Variants in GRIP1 observed in about 807,000 individuals in gnomAD.
The protein encoded by GRIP1 is glutamate receptor interacting protein 1, also known as glutamate receptor-interacting protein 1.
In GRIP1, 45 loss-of-function variants were observed where a neutral mutation model predicts 129.9. The observed-to-expected ratio is 0.35, with a 90% CI of 0.27 to 0.44. The LOEUF (loss-of-function observed/expected upper bound fraction) is 0.44, where lower values mean the gene tolerates loss of function less well. Ranked by LOEUF, GRIP1 falls within the 20% of genes least tolerant of loss-of-function variation. The pLI is 1.00. For missense variants in GRIP1, 1,196 were observed against 1,396.8 expected (o/e 0.86, Z 2.29); for synonymous variants, 530 against 520.8 (o/e 1.02, Z -0.24).
At chr12:66,884,220 G>T (rs1021927646) in intron 1 of GRIP1, among the ~76,000 whole-genome samples, 1 of 152,216 alleles carries the variant, frequency 6.6e-6, no homozygotes, top group Admixed American at 6.5e-5. Flanking sequence ...CAGTGAGACC[G>T]CTTAGCGCTT....
chr12:66,739,133 T>C (rs1416030320), intron 1 of GRIP1, among the ~76,000 whole-genome samples: 2 of 152,196 alleles, frequency 1.3e-5, no homozygotes, highest in African/African-American at 4.8e-5. Flanking sequence ...AAGTACCTTG[T>C]CTACTGTAAC....
At chr12:66,670,315 G>A (rs2034016962) in intron 1 of GRIP1, among the ~76,000 whole-genome samples, 1 of 152,106 alleles carries the variant, frequency 6.6e-6, no homozygotes, top group Non-Finnish European at 1.5e-5. Context: ...TAAATAGTAA[G>A]GACAAAAAAT....
intron 1 of GRIP1, among the ~76,000 whole-genome samples, chr12:66,788,214 A>G (rs963693649): frequency 6.6e-6 from 1 of 152,076 alleles, no homozygotes; most frequent in African/African-American, 2.4e-5. Flanking sequence ...TTTTTGTTAA[A>G]TACAAAAAAC....
chr12:66,855,779 C>A (rs1035847352), intron 1 of GRIP1, among the ~76,000 whole-genome samples: 2 of 152,010 alleles, frequency 1.3e-5, no homozygotes, highest in Non-Finnish European at 2.9e-5. Context: ...TCTGCCACAA[C>A]AGTGTTCTCC....
intron 1 of GRIP1, among the ~76,000 whole-genome samples, chr12:66,749,158 T>C (rs1355739312): frequency 6.6e-6 from 1 of 152,208 alleles, no homozygotes; most frequent in Admixed American, 6.5e-5. Flanking sequence ...TTTTAATTAG[T>C]ACATGTATAT....
At chr12:66,770,873 A>G (rs563864478) in intron 1 of GRIP1, among the ~76,000 whole-genome samples, 4 of 152,276 alleles carry the variant, frequency 2.6e-5, no homozygotes, top group African/African-American at 9.6e-5. Context: ...AGGCAGGTGG[A>G]TCATGAGGTC....
Position 66,981,577 on chromosome 12 carries a change from CA to C in GRIP1, c.58+87472del, listed in dbSNP as rs201463874. On this transcript the variant is annotated intron_variant, in intron 1 of 1. Transcript: ENST00000643019. ...TAAAGAATAAGTTCCTATGTATTAC[CA>C]AAACTGTAACTTAGACTTTAGGTTG... is the stretch of plus-strand genomic sequence containing the variant. Among the ~76,000 whole-genome samples the C allele has an allele frequency of 8.2e-3, 1,246 of 152,084 alleles. 58 individuals are homozygous for C. The highest frequency in any genetic ancestry group is 0.076 in the Admixed American group (1,157 of 15,250).
chr12:66,581,950 G>C (rs978324326), intron 2 of GRIP1, among the ~76,000 whole-genome samples: 1 of 151,880 alleles, frequency 6.6e-6, no homozygotes, highest in Admixed American at 6.6e-5. Flanking sequence ...GAGACACAAC[G>C]AAAAAAGAGA....
In GRIP1 at chr12:66,689,749, G is replaced by A. The variant is rs563466870; in HGVS notation, c.-419-59413C>T. On this transcript the variant is annotated intron_variant, in intron 1 of 4. Transcript: ENST00000538373. ...CAGTATTATTAACTATAGTCACCAT[G>A]CTGTACATTAGATCTCCAGAACTTA... 4.6e-5 allele frequency among the ~76,000 whole-genome samples: 7 copies of A among 152,076 alleles called. No homozygotes were observed. In the South Asian group the frequency reaches 1.5e-3, roughly 32 times the overall value.
rs2036125612 is a variant in GRIP1, at chr12:66,723,237, T to TCC, written c.-420+80815_-420+80816insGG. Among the ~76,000 whole-genome samples, 14 of 16,418 alleles carry TCC rather than the reference T, an allele frequency of 8.5e-4. 1 individual carries two copies. Among genetic ancestry groups the TCC allele is most frequent in the Non-Finnish European group, 1.3e-3 (11 of 8,760 alleles). 10.8% of individuals were successfully genotyped at this position (16,418 alleles called of 152,430 possible). A position where few individuals can be genotyped will look rare whatever the true frequency, so the allele number is the denominator to read the frequency against. Reference sequence around the variant, plus strand: ...TTCTTTCTTTCTTTCTCTCTCTCTCTCTCTTCCTTCCTTCCTTCCTTCCTT... The same window carrying TCC: ...TTCTTTCTTTCTTTCTCTCTCTCTCTCCCTCTTCCTTCCTTCCTTCCTTCCTT... On this transcript the variant is annotated intron_variant, in intron 1 of 4. Coordinates refer to the GRIP1 transcript ENST00000538373.
At chr12:66,751,609 G>T (rs1257615398) in intron 1 of GRIP1, among the ~76,000 whole-genome samples, 1 of 152,148 alleles carries the variant, frequency 6.6e-6, no homozygotes, top group East Asian at 1.9e-4. Flanking sequence ...ACACCTCAAG[G>T]GCAGGAGTTA....
chr12:66,980,105 A>C (rs1451883831), intron 1 of GRIP1, among the ~76,000 whole-genome samples: 1 of 152,212 alleles, frequency 6.6e-6, no homozygotes, highest in Non-Finnish European at 1.5e-5. Context: ...CAGAAGACTC[A>C]CAATCTGGTA....
intron 1 of GRIP1, among the ~76,000 whole-genome samples, chr12:66,831,675 T>C (rs1220650161): frequency 6.6e-6 from 1 of 152,224 alleles, no homozygotes; most frequent in East Asian, 1.9e-4. Context: ...GGTAGAATCA[T>C]ATATCACTGA....
At chr12:66,408,907 C>T (rs1375308272) in intron 15 of GRIP1, among the ~76,000 whole-genome samples, 1 of 152,104 alleles carries the variant, frequency 6.6e-6, no homozygotes, top group East Asian at 1.9e-4. Flanking sequence ...TGCCATGGGC[C>T]TGGAGCAGTG....
intron 1 of GRIP1, among the ~76,000 whole-genome samples, chr12:67,010,974 G>A (rs370564387): frequency 2.2e-4 from 33 of 152,138 alleles, no homozygotes; most frequent in South Asian, 4.1e-4. Flanking sequence ...CTCTGTACTC[G>A]TCTCCCTAGG....
chr12:67,025,113 C>T (rs943788859), intron 1 of GRIP1, among the ~76,000 whole-genome samples: 2 of 152,112 alleles, frequency 1.3e-5, no homozygotes, highest in Admixed American at 6.6e-5. Context: ...CCAAGGCAGG[C>T]AGATAACTTG....
At chr12:66,414,932 T>TATAACATGAA (rs2057536154) in intron 15 of GRIP1, among the ~76,000 whole-genome samples, 3 of 121,948 alleles carry the variant, frequency 2.5e-5, no homozygotes, top group African/African-American at 1.1e-4. Flanking sequence ...TTACACCTTA[T>TATAACATGAA]ATAAAATAAA....
intron 1 of GRIP1, among the ~76,000 whole-genome samples, chr12:66,718,756 G>T (rs1452355926): frequency 1.3e-5 from 2 of 152,138 alleles, no homozygotes; most frequent in African/African-American, 4.8e-5. Flanking sequence ...GGAGGCTGAG[G>T]CAGGAGAATC....
At chr12:67,016,093 T>C (rs1356876169) in intron 1 of GRIP1, among the ~76,000 whole-genome samples, 3 of 152,214 alleles carry the variant, frequency 2.0e-5, no homozygotes, top group Non-Finnish European at 4.4e-5. Context: ...ACTGCAGTAG[T>C]TTTAGCTGTC....
Sources: gnomAD v4.1 joint callset for allele counts (sites outside exome capture counted in the v4.1 genomes callset) on GRCh38, gnomAD v4.1.1 for gene constraint, MANE v1.5 for transcripts, NCBI Gene and HGNC (gene_info 2026-07-23, HGNC 2026-07-21) for gene names.